RPS6KC1: variants seen among roughly 807,000 people sequenced by gnomAD.
RPS6KC1 encodes the protein inactive ribosomal protein S6 kinase delta-1.
In RPS6KC1, 54 loss-of-function variants were observed where a neutral mutation model predicts 103.8. That is an observed-to-expected ratio of 0.52 (90% CI 0.42 to 0.65). RPS6KC1 has a LOEUF of 0.65. Ranked by LOEUF, RPS6KC1 falls within the 30% of genes least tolerant of loss-of-function variation. RPS6KC1 has a pLI of 0.00. For missense variants in RPS6KC1, 1,151 were observed against 1,253.8 expected (o/e 0.92, Z 1.24); for synonymous variants, 439 against 438.7 (o/e 1.00, Z -0.01).
At chr1:213,567,869 C>T in the RPS6KC1 span, among the ~76,000 whole-genome samples, 1 of 152,208 alleles carries the variant, frequency 6.6e-6, no homozygotes, top group Non-Finnish European at 1.5e-5. Flanking sequence ...CATCCCTGGC[C>T]TGGGAAAGTT....
the RPS6KC1 span, among the ~76,000 whole-genome samples, chr1:213,491,161 T>G: frequency 6.6e-6 from 1 of 152,154 alleles, no homozygotes; most frequent in African/African-American, 2.4e-5. Context: ...GTCTGTTATC[T>G]GGCAAGGAGG....
In RPS6KC1 at chr1:213,123,122, C is replaced by G. The variant is rs17020179; in HGVS notation, c.472+5712C>G. Among the ~76,000 whole-genome samples, 1,069 of 152,220 alleles carry G rather than the reference C, an allele frequency of 7.0e-3. 14 individuals are homozygous for G. The highest frequency in any genetic ancestry group is 0.024 in the African/African-American group (1,013 of 41,536). On this transcript the variant is annotated intron_variant, in intron 5 of 14. Coordinates refer to ENST00000366960, the MANE Select transcript of RPS6KC1 (RefSeq NM_012424.6). Reference sequence around the variant, plus strand: ...GAAGTTTAGCCATGTGCCGAAGATACTCCAGGTATTTGATAGCACTCACAG... The same window carrying G: ...GAAGTTTAGCCATGTGCCGAAGATAGTCCAGGTATTTGATAGCACTCACAG...
At chr1:213,673,271 A>T in the RPS6KC1 span, among the ~76,000 whole-genome samples, 6 of 152,240 alleles carry the variant, frequency 3.9e-5, no homozygotes, top group African/African-American at 1.4e-4. Flanking sequence ...ATAAGTCAGG[A>T]GTAGTTAAGT....
chr1:213,339,747 G>T, the RPS6KC1 span, among the ~76,000 whole-genome samples: 1 of 152,224 alleles, frequency 6.6e-6, no homozygotes, highest in Admixed American at 6.5e-5. Flanking sequence ...TGTGGTATGT[G>T]GAAGAGGATG....
the RPS6KC1 span, among the ~76,000 whole-genome samples, chr1:213,324,553 T>C: frequency 3.3e-5 from 5 of 150,686 alleles, no homozygotes; most frequent in East Asian, 1.0e-3. Context: ...CCTAGCATGC[T>C]AATACAGACA....
At chr1:213,142,931 G>A (rs2087250912) in intron 6 of RPS6KC1, among the ~76,000 whole-genome samples, 1 of 151,934 alleles carries the variant, frequency 6.6e-6, no homozygotes, top group African/African-American at 2.4e-5. Context: ...TCACTTTTTT[G>A]CAGTGGTCTG....
At chr1:213,228,594 A>G (rs1361267175) in intron 8 of RPS6KC1, among the ~76,000 whole-genome samples, 1 of 151,960 alleles carries the variant, frequency 6.6e-6, no homozygotes, top group Non-Finnish European at 1.5e-5. Flanking sequence ...GCATGGTGGC[A>G]CATGCCTGTA....
the RPS6KC1 span, chr1:213,841,426 A>AT: frequency 2.0e-5 from 3 of 152,158 alleles, no homozygotes; most frequent in Admixed American, 6.5e-5. Flanking sequence ...CTGCTATGAG[A>AT]TTTTTTGTCT....
At chr1:213,483,363 G>T in the RPS6KC1 span, among the ~76,000 whole-genome samples, 2 of 152,128 alleles carry the variant, frequency 1.3e-5, no homozygotes, top group African/African-American at 4.8e-5. Flanking sequence ...ACACAATACG[G>T]CTGAGTATTA....
At chr1:213,797,302 C>T in the RPS6KC1 span, among the ~76,000 whole-genome samples, 1 of 152,110 alleles carries the variant, frequency 6.6e-6, no homozygotes, top group Non-Finnish European at 1.5e-5. Flanking sequence ...GATCTCTTTC[C>T]ATGGTAAAGA....
Position 213,272,661 on chromosome 1 carries a change from T to C in RPS6KC1, c.*27T>C, listed in dbSNP as rs1411541549. 1 of 1,525,820 alleles carries C rather than the reference T, an allele frequency of 6.6e-7. No individual in the cohort carries two copies. Among genetic ancestry groups the C allele is most frequent in the Non-Finnish European group, 9.1e-7 (1 of 1,099,970 alleles). The allele number at this position is 1,525,820 out of a possible 1,614,324, so 94.5% of individuals were successfully genotyped here. ...CGTAATGCAGGGTTATCTTCACACA[T>C]TCTGATCTTCTCTGTGACAGGCATC... On this transcript the variant is annotated 3_prime_UTR_variant, in exon 15 of 15. Transcript: ENST00000366960.
At chr1:213,314,543 G>T in the RPS6KC1 span, among the ~76,000 whole-genome samples, 1 of 152,178 alleles carries the variant, frequency 6.6e-6, no homozygotes, top group Non-Finnish European at 1.5e-5. Flanking sequence ...CTGTTCCTAT[G>T]CCCTGACCTG....
the RPS6KC1 span, among the ~76,000 whole-genome samples, chr1:213,761,816 T>G: frequency 6.6e-6 from 1 of 152,018 alleles, no homozygotes; most frequent in Admixed American, 6.6e-5. Context: ...ACCCAGTGGG[T>G]GAAAAGGTGT....
At chr1:213,464,746 GT>G in the RPS6KC1 span, among the ~76,000 whole-genome samples, 1 of 149,708 alleles carries the variant, frequency 6.7e-6, no homozygotes, top group Non-Finnish European at 1.5e-5. Context: ...TATTCTGTTT[GT>G]TTTTCATTTC....
At chr1:213,552,551 CTTAATA>C in the RPS6KC1 span, among the ~76,000 whole-genome samples, 1 of 152,098 alleles carries the variant, frequency 6.6e-6, no homozygotes, top group East Asian at 1.9e-4. Context: ...CAGTTATTTT[CTTAATA>C]TTGAGTTTGA....
chr1:213,135,081 A>C (rs1021288453), intron 6 of RPS6KC1, among the ~76,000 whole-genome samples: 2 of 152,164 alleles, frequency 1.3e-5, no homozygotes, highest in Admixed American at 6.5e-5. Context: ...GCCCTTTATC[A>C]TGTTGAAGAA....
At chr1:213,247,951 G>A (rs542232782) in intron 12 of RPS6KC1, among the ~76,000 whole-genome samples, 18 of 152,196 alleles carry the variant, frequency 1.2e-4, no homozygotes, top group African/African-American at 3.8e-4. Context: ...AGGGATTTAT[G>A]GAAAATACTT....
At chr1:213,704,259 C>T in the RPS6KC1 span, among the ~76,000 whole-genome samples, 27,507 of 150,636 alleles carry the variant, frequency 0.18, 3,169 homozygotes, top group South Asian at 0.28. Flanking sequence ...AGGTGGCGGG[C>T]GCCTGTAGTC....
At chr1:213,449,245 A>T in the RPS6KC1 span, among the ~76,000 whole-genome samples, 1 of 152,094 alleles carries the variant, frequency 6.6e-6, no homozygotes, top group African/African-American at 2.4e-5. Flanking sequence ...ACCCACTTAG[A>T]GATTGATTTA....
Sources: gnomAD v4.1 joint callset for allele counts (sites outside exome capture counted in the v4.1 genomes callset) on GRCh38, gnomAD v4.1.1 for gene constraint, MANE v1.5 for transcripts, NCBI Gene and HGNC (gene_info 2026-07-23, HGNC 2026-07-21) for gene names.